Variants in ENPP6 observed in about 807,000 individuals in gnomAD.
The protein encoded by ENPP6 is glycerophosphocholine cholinephosphodiesterase ENPP6.
A neutral mutation model predicts 42.0 loss-of-function variants in ENPP6; 32 were observed. That is an observed-to-expected ratio of 0.76 (90% CI 0.58 to 1.02). The LOEUF (loss-of-function observed/expected upper bound fraction) is 1.02. ENPP6 is among the 50% of genes least tolerant of loss of function. ENPP6 has a pLI of 0.00. For synonymous variants in ENPP6, 213 were observed against 216.0 expected (o/e 0.99, Z 0.12); for missense variants, 552 against 566.8 (o/e 0.97, Z 0.27).
intron 2 of ENPP6, among the ~76,000 whole-genome samples, chr4:184,139,217 G>A (rs1342682773): frequency 6.6e-6 from 1 of 152,210 alleles, no homozygotes; most frequent in South Asian, 2.1e-4. Flanking sequence ...ATAAATGACT[G>A]GCTAGGCAAC....
intron 2 of ENPP6, among the ~76,000 whole-genome samples, chr4:184,142,520 C>A (rs932172130): frequency 1.3e-5 from 2 of 152,120 alleles, no homozygotes; most frequent in Admixed American, 1.3e-4. Flanking sequence ...GGACGTTTGG[C>A]GGTGGCTCCC....
At chr4:184,111,840 G>T (rs143790844) in intron 6 of ENPP6, among the ~76,000 whole-genome samples, 1 of 152,252 alleles carries the variant, frequency 6.6e-6, no homozygotes, top group Admixed American at 6.5e-5. Context: ...GCTGATCATC[G>T]CCTGTCCTCA....
At chr4:184,187,839 G>A (rs10013781) in intron 1 of ENPP6, among the ~76,000 whole-genome samples, 35,721 of 152,046 alleles carry the variant, frequency 0.23, 5,559 homozygotes, top group African/African-American at 0.44. Flanking sequence ...CATAGAAGGT[G>A]AGAGATACTT....
At chr4:184,160,874 ACCTCCT>A (rs1737247323) in intron 1 of ENPP6, among the ~76,000 whole-genome samples, 1 of 152,118 alleles carries the variant, frequency 6.6e-6, no homozygotes, top group Non-Finnish European at 1.5e-5. Flanking sequence ...ACAAAAAGGA[ACCTCCT>A]CACATGAAAT....
At chr4:184,103,667 A>T (rs967982994) in intron 6 of ENPP6, among the ~76,000 whole-genome samples, 1 of 152,348 alleles carries the variant, frequency 6.6e-6, no homozygotes, top group East Asian at 1.9e-4. Flanking sequence ...ATTTTGTGGC[A>T]TTGCTATTTT....
chr4:184,160,721 C>A (rs1021262243), intron 1 of ENPP6, among the ~76,000 whole-genome samples: 1 of 152,060 alleles, frequency 6.6e-6, no homozygotes, highest in Non-Finnish European at 1.5e-5. Flanking sequence ...TTGAGCTCTC[C>A]GTATGACTGG....
intron 1 of ENPP6, among the ~76,000 whole-genome samples, chr4:184,206,517 A>T (rs1316141392): frequency 6.6e-6 from 1 of 151,402 alleles, no homozygotes; most frequent in Non-Finnish European, 1.5e-5. Flanking sequence ...CGGCCTCCCA[A>T]AGTGCTGGGA....
At chr4:184,188,558 A>T (rs866578204) in intron 1 of ENPP6, among the ~76,000 whole-genome samples, 3 of 152,192 alleles carry the variant, frequency 2.0e-5, no homozygotes, top group Admixed American at 6.5e-5. Flanking sequence ...GGCTGCTAGG[A>T]ATCAGCTCCA....
intron 1 of ENPP6, among the ~76,000 whole-genome samples, chr4:184,177,971 A>T (rs1732470704): frequency 6.6e-6 from 1 of 152,178 alleles, no homozygotes; most frequent in South Asian, 2.1e-4. Context: ...CTTCTCCAAA[A>T]GATCACAACA....
chr4:184,149,043 T>G (rs370523791), intron 2 of ENPP6, among the ~76,000 whole-genome samples: 40 of 152,310 alleles, frequency 2.6e-4, no homozygotes, highest in African/African-American at 8.4e-4. Context: ...TAAAATTACA[T>G]AAACCACAAA....
intron 1 of ENPP6, among the ~76,000 whole-genome samples, chr4:184,171,466 C>T (rs564884071): frequency 6.6e-6 from 1 of 152,296 alleles, no homozygotes; most frequent in East Asian, 1.9e-4. Context: ...GAGGGGACAC[C>T]ACTTGATGGG....
In ENPP6 at chr4:184,116,757, C is replaced by CACAAA. The variant is rs1736320039; in HGVS notation, c.855+94_855+98dup. 9.4e-6 allele frequency: 14 copies of CACAAA among 1,488,198 alleles called. No individual in the cohort carries two copies. In the South Asian group the frequency reaches 1.1e-4, roughly 11 times the overall value. 92.2% of individuals were successfully genotyped at this position (1,488,198 alleles called of 1,614,324 possible). On this transcript the variant is annotated intron_variant, in intron 5 of 7. Transcript: ENST00000296741. ...TCAAAAAAAGAAACAAACACACACA[C>CACAAA]ACAAAACAAAACAAAAAAACTACAA...
chr4:184,156,103 T>C (rs1324156993), intron 1 of ENPP6, among the ~76,000 whole-genome samples: 1 of 152,216 alleles, frequency 6.6e-6, no homozygotes, highest in Non-Finnish European at 1.5e-5. Context: ...TGGAGCGCTT[T>C]CAAGAAGGTC....
chr4:184,128,253 T>A (rs556357263), intron 2 of ENPP6, among the ~76,000 whole-genome samples: 19 of 152,324 alleles, frequency 1.2e-4, no homozygotes, highest in African/African-American at 4.6e-4. Flanking sequence ...CGATCTCGGG[T>A]CACTGCAACT....
chr4:184,131,936 G>A (rs1452808752), intron 2 of ENPP6, among the ~76,000 whole-genome samples: 2 of 152,072 alleles, frequency 1.3e-5, no homozygotes, highest in African/African-American at 2.4e-5. Flanking sequence ...AAACCTGGTG[G>A]TTGTAATTCA....
At chr4:184,189,157 C>T (rs1732680626) in intron 1 of ENPP6, among the ~76,000 whole-genome samples, 2 of 152,092 alleles carry the variant, frequency 1.3e-5, no homozygotes, top group Non-Finnish European at 2.9e-5. Context: ...CATGTATATG[C>T]CAGGGGATTT....
chr4:184,117,252 C>T (rs572324346), intron 4 of ENPP6, among the ~76,000 whole-genome samples: 2 of 152,308 alleles, frequency 1.3e-5, no homozygotes, highest in South Asian at 4.1e-4. Flanking sequence ...CGTGCTGACA[C>T]CTTACACAGC....
intron 1 of ENPP6, among the ~76,000 whole-genome samples, chr4:184,185,733 G>A (rs1255217119): frequency 1.3e-5 from 2 of 152,114 alleles, no homozygotes; most frequent in Admixed American, 6.5e-5. Context: ...ACATCATGAA[G>A]GACCAAAATA....
At chr4:184,163,688 G>A (rs1737303282) in intron 1 of ENPP6, among the ~76,000 whole-genome samples, 1 of 152,206 alleles carries the variant, frequency 6.6e-6, no homozygotes, top group Admixed American at 6.5e-5. Flanking sequence ...TAATTCCGGT[G>A]TATAACCACC....
Sources: allele counts gnomAD v4.1 joint callset (sites outside exome capture counted in the v4.1 genomes callset), GRCh38; gene constraint gnomAD v4.1.1; transcripts MANE v1.5; gene names NCBI Gene and HGNC (gene_info 2026-07-23, HGNC 2026-07-21).